The following MRAP2 variants were observed in gnomAD, a reference collection of about 807,000 sequenced individuals.
The protein encoded by MRAP2 is melanocortin 2 receptor accessory protein 2.
MRAP2 carries 20 observed loss-of-function variants against 17.4 expected under a neutral mutation model. The ratio of observed to expected loss-of-function variants is 1.15; its 90% confidence interval spans 0.81 to 1.67. The LOEUF (loss-of-function observed/expected upper bound fraction) is 1.67. MRAP2 is among the 40% of genes most tolerant of loss of function. The pLI, the probability that MRAP2 is intolerant of heterozygous loss-of-function variation, is 0.00. For missense variants in MRAP2, 238 were observed against 240.0 expected (o/e 0.99, Z 0.05); for synonymous variants, 96 against 88.4 (o/e 1.09, Z -0.48).
the MRAP2 span, among the ~76,000 whole-genome samples, chr6:84,137,537 A>G: frequency 6.6e-6 from 1 of 152,036 alleles, no homozygotes; most frequent in Non-Finnish European, 1.5e-5. Flanking sequence ...ATGCAGATTA[A>G]AAAAAATAAA....
At chr6:84,121,175 A>G in the MRAP2 span, among the ~76,000 whole-genome samples, 3 of 151,764 alleles carry the variant, frequency 2.0e-5, no homozygotes, top group African/African-American at 7.3e-5. Flanking sequence ...CCTGGACTCA[A>G]GTGGTCCTTC....
At chr6:84,099,980 C>G in the MRAP2 span, among the ~76,000 whole-genome samples, 3 of 152,054 alleles carry the variant, frequency 2.0e-5, no homozygotes, top group African/African-American at 7.2e-5. Flanking sequence ...CCCGCCTCAG[C>G]CTTCTGAGAG....
At chr6:84,069,662 G>A (rs1035541654) in intron 3 of MRAP2, among the ~76,000 whole-genome samples, 12 of 152,116 alleles carry the variant, frequency 7.9e-5, no homozygotes, top group Non-Finnish European at 1.5e-4. Flanking sequence ...AGTGTCAAAA[G>A]GATTGGTACC....
chr6:84,111,046 T>G, the MRAP2 span, among the ~76,000 whole-genome samples: 1 of 152,078 alleles, frequency 6.6e-6, no homozygotes, highest in African/African-American at 2.4e-5. Flanking sequence ...ATGCCTTCAG[T>G]TTTGTTCTTT....
the MRAP2 span, chr6:84,125,341 A>G: frequency 1.4e-4 from 200 of 1,419,488 alleles, 4 homozygotes; most frequent in South Asian, 2.3e-3. Flanking sequence ...ACATTTAACA[A>G]TCTTAAAGTA....
At chr6:84,084,170 A>C (rs181308045) in intron 3 of MRAP2, among the ~76,000 whole-genome samples, 29 of 152,334 alleles carry the variant, frequency 1.9e-4, no homozygotes, top group African/African-American at 6.5e-4. Context: ...TAAATTGTAT[A>C]AGAAAAATAA....
intron 1 of MRAP2, among the ~76,000 whole-genome samples, chr6:84,054,576 A>G (rs544692689): frequency 1.4e-4 from 21 of 152,254 alleles, no homozygotes; most frequent in African/African-American, 4.8e-4. Flanking sequence ...TTTCCTCCAA[A>G]CCCACTGGAA....
intron 1 of MRAP2, chr6:84,052,871 G>C (rs1351908433): frequency 1.2e-5 from 10 of 819,744 alleles, no homozygotes; most frequent in East Asian, 2.5e-4. Context: ...TGCACATGTA[G>C]CTTTCATTAC....
At chr6:84,120,096 G>A in the MRAP2 span, among the ~76,000 whole-genome samples, 1 of 152,156 alleles carries the variant, frequency 6.6e-6, no homozygotes, top group Non-Finnish European at 1.5e-5. Flanking sequence ...GGGGACACTC[G>A]TTTAAGTCCT....
At chr6:84,048,740 A>G (rs943070359) in intron 1 of MRAP2, among the ~76,000 whole-genome samples, 2 of 152,212 alleles carry the variant, frequency 1.3e-5, no homozygotes, top group African/African-American at 2.4e-5. Context: ...CTGATTCTAC[A>G]TTCACCAGCT....
chr6:84,035,141 G>A (rs777867151), intron 1 of MRAP2, among the ~76,000 whole-genome samples: 3 of 152,200 alleles, frequency 2.0e-5, no homozygotes, highest in Non-Finnish European at 4.4e-5. Context: ...TCTTTTCAAA[G>A]TGAGGCCAGC....
chr6:84,123,253 C>CAA, the MRAP2 span, among the ~76,000 whole-genome samples: 3,784 of 119,390 alleles, frequency 0.032, 201 homozygotes, highest in African/African-American at 0.098. Flanking sequence ...CGCCCAACTC[C>CAA]AAAAAAAAAA....
upstream of MRAP2, among the ~76,000 whole-genome samples, chr6:84,033,361 T>TA (rs1294224349): frequency 6.6e-6 from 1 of 152,176 alleles, no homozygotes; most frequent in Non-Finnish European, 1.5e-5. Context: ...GAAGAGAAAC[T>TA]AAAATCGAGG....
the MRAP2 span, among the ~76,000 whole-genome samples, chr6:84,118,644 T>C: frequency 6.6e-6 from 1 of 152,204 alleles, no homozygotes; most frequent in African/African-American, 2.4e-5. Context: ...AGCCCACCCC[T>C]TCCCCTGGGG....
the MRAP2 span, among the ~76,000 whole-genome samples, chr6:84,112,064 CT>C: frequency 6.3e-3 from 954 of 152,112 alleles, 4 homozygotes; most frequent in African/African-American, 0.022. Flanking sequence ...CTGAAATTTT[CT>C]TTTTTTGCTG....
intron 3 of MRAP2, among the ~76,000 whole-genome samples, chr6:84,085,682 CA>C (rs904421413): frequency 2.6e-5 from 4 of 152,146 alleles, no homozygotes; most frequent in Non-Finnish European, 5.9e-5. Context: ...GCAGATCAAA[CA>C]AAATATTAAA....
Position 84,055,721 on chromosome 6 carries a change from A to G in MRAP2, c.127+276A>G, listed in dbSNP as rs559298724. Among the ~76,000 whole-genome samples the G allele has an allele frequency of 4.6e-5, 7 of 152,238 alleles. No homozygotes were observed. In the South Asian group the frequency reaches 1.0e-3, roughly 22 times the overall value. On this transcript the variant is annotated intron_variant, in intron 2 of 3. Transcript: ENST00000257776. ...AAGCTGAGATTGAGAATTTTTAAAA[A>G]GCATTTGCTTTTTTAGCTCCTCCAA...
At chr6:84,109,437 G>A in the MRAP2 span, among the ~76,000 whole-genome samples, 2 of 151,948 alleles carry the variant, frequency 1.3e-5, no homozygotes, top group African/African-American at 4.8e-5. Flanking sequence ...TGGCAGTTGT[G>A]AATGAAAGTT....
intron 1 of MRAP2, 42 bp downstream of exon 1, chr6:84,033,925 C>T (rs1259635859): frequency 2.4e-5 from 24 of 985,728 alleles, no homozygotes; most frequent in South Asian, 4.6e-5. Context: ...GGAGCAAAGC[C>T]CGGGCGCTGG....
Sources: allele counts gnomAD v4.1 joint callset (sites outside exome capture counted in the v4.1 genomes callset), GRCh38; gene constraint gnomAD v4.1.1; transcripts MANE v1.5; gene names NCBI Gene and HGNC (gene_info 2026-07-23, HGNC 2026-07-21).